CIMIP6: variants seen among roughly 807,000 people sequenced by gnomAD.
The protein encoded by CIMIP6 is ciliary microtubule inner protein 6, also known as uncharacterized protein C2orf73.
chr2:54,352,738 C>T, the CIMIP6 span, among the ~76,000 whole-genome samples: 17 of 152,258 alleles, frequency 1.1e-4, no homozygotes, highest in East Asian at 9.6e-4. Context: ...ATATAACCTA[C>T]GCACATCTTC....
chr2:54,349,075 GA>G, the CIMIP6 span, among the ~76,000 whole-genome samples: 1 of 152,184 alleles, frequency 6.6e-6, no homozygotes, highest in African/African-American at 2.4e-5. Context: ...AAACCTTGCT[GA>G]TTATCAACAA....
the CIMIP6 span, chr2:54,360,380 T>A: frequency 1.9e-6 from 3 of 1,609,394 alleles, no homozygotes; most frequent in Non-Finnish European, 2.5e-6. Flanking sequence ...CCAACAAAAT[T>A]CTCAGGAGCT....
chr2:54,374,184 G>A, the CIMIP6 span, among the ~76,000 whole-genome samples: 1 of 152,158 alleles, frequency 6.6e-6, no homozygotes, highest in Non-Finnish European at 1.5e-5. Context: ...ACTCTCCATA[G>A]TAACTGATTT....
the CIMIP6 span, among the ~76,000 whole-genome samples, chr2:54,344,789 G>A: frequency 6.6e-6 from 1 of 152,080 alleles, no homozygotes; most frequent in African/African-American, 2.4e-5. Flanking sequence ...GGAGAATAAA[G>A]TCACGGAAGT....
chr2:54,335,261 C>T, the CIMIP6 span, among the ~76,000 whole-genome samples: 2 of 152,102 alleles, frequency 1.3e-5, no homozygotes, highest in Non-Finnish European at 2.9e-5. Flanking sequence ...AGATTATTGC[C>T]ACAAAGTAGT....
the CIMIP6 span, among the ~76,000 whole-genome samples, chr2:54,384,168 G>A: frequency 3.3e-5 from 5 of 152,116 alleles, no homozygotes; most frequent in Admixed American, 1.3e-4. Context: ...ATTAATTCTC[G>A]CAATAAACCT....
the CIMIP6 span, among the ~76,000 whole-genome samples, chr2:54,379,184 T>G: frequency 6.6e-6 from 1 of 152,216 alleles, no homozygotes. Flanking sequence ...AAACAAGGCT[T>G]TTGCTATAAA....
At chr2:54,373,311 G>A in the CIMIP6 span, among the ~76,000 whole-genome samples, 642 of 144,990 alleles carry the variant, frequency 4.4e-3, 1 homozygote, top group Middle Eastern at 6.9e-3. Context: ...CCTTCCTCAT[G>A]CTGCCGCCTG....
chr2:54,331,134 G>T, the CIMIP6 span: 5 of 809,538 alleles, frequency 6.2e-6, no homozygotes, highest in African/African-American at 8.6e-5. Flanking sequence ...TTTCCAGTTG[G>T]CTGAGCGCTT....
the CIMIP6 span, among the ~76,000 whole-genome samples, chr2:54,351,988 G>T: frequency 6.6e-6 from 1 of 150,382 alleles, no homozygotes; most frequent in East Asian, 1.9e-4. Context: ...TCCACAAGAA[G>T]AAAAAAAAAC....
chr2:54,343,704 A>G, the CIMIP6 span: 3 of 1,555,362 alleles, frequency 1.9e-6, no homozygotes, highest in Non-Finnish European at 2.6e-6. Context: ...TGTGTTTCCA[A>G]TTATTTTCTA....
the CIMIP6 span, among the ~76,000 whole-genome samples, chr2:54,357,915 G>A: frequency 6.6e-6 from 1 of 152,048 alleles, no homozygotes; most frequent in South Asian, 2.1e-4. Context: ...AGAAATTTTT[G>A]TCCTTGATAG....
the CIMIP6 span, among the ~76,000 whole-genome samples, chr2:54,377,468 T>C: frequency 6.6e-6 from 1 of 152,146 alleles, no homozygotes. Context: ...ATAGTTTACA[T>C]ACATTTATAT....
the CIMIP6 span, among the ~76,000 whole-genome samples, chr2:54,369,094 C>G: frequency 6.6e-6 from 1 of 152,088 alleles, no homozygotes; most frequent in East Asian, 1.9e-4. Flanking sequence ...GCCACAGGAG[C>G]CTGCAGCCAT....
chr2:54,331,374 A>G, the CIMIP6 span, among the ~76,000 whole-genome samples: 1 of 152,168 alleles, frequency 6.6e-6, no homozygotes, highest in Non-Finnish European at 1.5e-5. Context: ...GGATGCTGCA[A>G]CAGCCCTCCA....
the CIMIP6 span, among the ~76,000 whole-genome samples, chr2:54,378,669 A>G: frequency 2.6e-5 from 4 of 152,360 alleles, no homozygotes; most frequent in African/African-American, 7.2e-5. Flanking sequence ...ACTAAAGCAT[A>G]TATAACAATT....
chr2:54,334,684 C>A, the CIMIP6 span: 1 of 656,150 alleles, frequency 1.5e-6, no homozygotes, highest in Non-Finnish European at 2.6e-6. Context: ...ACAGCACAAA[C>A]CCTTATAACT....
chr2:54,334,832 G>A, the CIMIP6 span: 1 of 1,543,806 alleles, frequency 6.5e-7, no homozygotes, highest in Non-Finnish European at 8.8e-7. Context: ...ATAAAATAGA[G>A]GATGCTGCTA....
the CIMIP6 span, among the ~76,000 whole-genome samples, chr2:54,373,266 T>C: frequency 5.3e-5 from 8 of 152,126 alleles, no homozygotes; most frequent in Non-Finnish European, 1.0e-4. Context: ...CTGCTCAGTC[T>C]TTCCGGAACC....
Sources: allele counts gnomAD v4.1 joint callset (sites outside exome capture counted in the v4.1 genomes callset), GRCh38; gene constraint gnomAD v4.1.1; transcripts MANE v1.5; gene names NCBI Gene and HGNC (gene_info 2026-07-23, HGNC 2026-07-21).